BLNK: variants seen among roughly 807,000 people sequenced by gnomAD.
The protein encoded by BLNK is B cell linker, also known as B-cell linker protein.
Under a neutral mutation model 73.5 loss-of-function variants are expected in BLNK, and 29 were observed. The observed-to-expected ratio is 0.39, with a 90% CI of 0.29 to 0.54. The LOEUF is 0.54. BLNK is among the 20% of genes least tolerant of loss of function. BLNK has a pLI of 0.61. For synonymous variants in BLNK, 176 were observed against 200.8 expected (o/e 0.88, Z 1.04); for missense variants, 460 against 562.8 (o/e 0.82, Z 1.85).
intron 6 of BLNK, among the ~76,000 whole-genome samples, chr10:96,217,656 T>G (rs2084099650): frequency 6.6e-6 from 1 of 151,978 alleles, no homozygotes; most frequent in Admixed American, 6.5e-5. Flanking sequence ...TTGGGTTGTT[T>G]ATCTTTTTAT....
intron 8 of BLNK, among the ~76,000 whole-genome samples, chr10:96,214,140 G>A (rs1554899270): frequency 6.6e-6 from 1 of 150,792 alleles, no homozygotes; most frequent in Non-Finnish European, 1.5e-5. Flanking sequence ...GTGTATGAAT[G>A]TGTGTGTGTG....
At chr10:96,212,491 CT>C (rs1357600745) in intron 8 of BLNK, among the ~76,000 whole-genome samples, 2 of 152,204 alleles carry the variant, frequency 1.3e-5, no homozygotes, top group Non-Finnish European at 2.9e-5. Flanking sequence ...GATGACTTCA[CT>C]TGTTCAAAGT....
chr10:96,250,434 G>A (rs1843235267), intron 1 of BLNK, among the ~76,000 whole-genome samples: 1 of 127,180 alleles, frequency 7.9e-6, no homozygotes, highest in Admixed American at 8.8e-5. Context: ...GAGAGAGAGA[G>A]AGGAAGAGAG....
intron 2 of BLNK, among the ~76,000 whole-genome samples, chr10:96,244,000 A>G (rs977687675): frequency 6.6e-6 from 1 of 152,212 alleles, no homozygotes; most frequent in Non-Finnish European, 1.5e-5. Context: ...TTGAAAAAAA[A>G]AGCATAGAAA....
rs138899330 is a variant in BLNK at position 96,193,497 on chromosome 10, T to C, written c.1252-1405A>G. On this transcript the variant is annotated intron_variant, in intron 16 of 16. Coordinates refer to ENST00000224337, the MANE Select transcript of BLNK (RefSeq NM_013314.4). ...GTTGTGGTGTTCGGGGATTGAAGTG[T>C]GTGCAGTAGGGAGTTGAGCTGAGTT... 4.1e-3 allele frequency among the ~76,000 whole-genome samples: 622 copies of C among 152,328 alleles called. 4 individuals are homozygous for C. The highest frequency in any genetic ancestry group is 4.8e-3 in the Non-Finnish European group (325 of 68,024).
intron 2 of BLNK, among the ~76,000 whole-genome samples, chr10:96,246,350 C>G (rs1843044007): frequency 6.6e-6 from 1 of 152,128 alleles, no homozygotes; most frequent in African/African-American, 2.4e-5. Flanking sequence ...GTCAGGAGTT[C>G]AAGACCAGCC....
At chr10:96,232,661 T>C (rs781822205) in intron 3 of BLNK, among the ~76,000 whole-genome samples, 9 of 152,212 alleles carry the variant, frequency 5.9e-5, no homozygotes, top group Admixed American at 2.6e-4. Flanking sequence ...CAGAAAAGAA[T>C]TCTTACATTA....
chr10:96,200,110 T>G lies in BLNK; in HGVS notation c.1060A>C (p.Lys354Gln). The G allele has an allele frequency of 1.2e-6, 2 of 1,614,074 alleles. No homozygotes were observed. Among genetic ancestry groups the G allele is most frequent in the Non-Finnish European group, 1.7e-6 (2 of 1,179,990 alleles). Residue 354 changes from lysine to glutamine, a missense_variant, in exon 15 of 17, where the codon AAG becomes CAG. Coordinates refer to ENST00000224337, the MANE Select transcript of BLNK (RefSeq NM_013314.4). The surrounding 1 kb of genome is among the most constrained non-coding windows in gnomAD (Gnocchi z 4.3). ...CTGTGCAATGCCTCTTCAGCAGACT[T>G]TCGATCACAGGCTCCAGCATACCAT... The part of the protein sequence containing the change: ...KPWYAGACDR[K>Q]SAEEALHRSN...
rs2083294319 is a variant in BLNK, at chr10:96,189,346, G to A, written c.*2627C>T. 4 of 552,874 alleles carry A rather than the reference G, an allele frequency of 7.2e-6. No homozygotes were observed. Among genetic ancestry groups the A allele is most frequent in the South Asian group, 5.8e-5 (4 of 68,488 alleles). 34.2% of individuals were successfully genotyped at this position (552,874 alleles called of 1,614,324 possible). On this transcript the variant is annotated 3_prime_UTR_variant, in exon 17 of 17. Transcript: ENST00000224337. ...TAAGATGGAAAAATGTTAACAAATT[G>A]TTTAAACTATTTTCTAAAGAGACTT...
intron 8 of BLNK, among the ~76,000 whole-genome samples, chr10:96,211,981 C>T (rs7911407): frequency 0.47 from 70,847 of 152,022 alleles, 17,027 homozygotes; most frequent in Middle Eastern, 0.55. Flanking sequence ...GGTTTTCCCT[C>T]TTCTGAAATG....
intron 6 of BLNK, among the ~76,000 whole-genome samples, 183 bp downstream of exon 6, chr10:96,223,643 T>C (rs1430379333): frequency 6.6e-6 from 1 of 152,192 alleles, no homozygotes; most frequent in East Asian, 1.9e-4. Flanking sequence ...TCTAGTAAAC[T>C]GACATATTTA....
chr10:96,210,096 A>G (rs1038117889), intron 8 of BLNK, 189 bp from the exon 9 acceptor site: 1 of 668,206 alleles, frequency 1.5e-6, no homozygotes, highest in Admixed American at 2.1e-5. Context: ...ACACATTTTA[A>G]AAGTGTCAGT....
chr10:96,229,939 G>A (rs1317119865), intron 4 of BLNK, among the ~76,000 whole-genome samples: 7 of 152,104 alleles, frequency 4.6e-5, no homozygotes, highest in Non-Finnish European at 1.0e-4. Context: ...TGAGTCCTGG[G>A]TTCTCATTCC....
chr10:96,265,673 G>A (rs530730327), intron 1 of BLNK, among the ~76,000 whole-genome samples: 1 of 152,276 alleles, frequency 6.6e-6, no homozygotes, highest in South Asian at 2.1e-4. Flanking sequence ...CACAACAATG[G>A]CAAAGATATG....
chr10:96,244,985 G>T (rs782510167), intron 2 of BLNK, among the ~76,000 whole-genome samples: 37 of 152,056 alleles, frequency 2.4e-4, no homozygotes, highest in Middle Eastern at 3.2e-3. Flanking sequence ...AATTAGAATT[G>T]CTAGTGATTG....
intron 11 of BLNK, among the ~76,000 whole-genome samples, chr10:96,205,510 A>G (rs1554897232): frequency 6.6e-6 from 1 of 152,208 alleles, no homozygotes; most frequent in African/African-American, 2.4e-5. Flanking sequence ...GAACCTCTGA[A>G]GATTGTATTT....
intron 1 of BLNK, among the ~76,000 whole-genome samples, chr10:96,269,399 C>T (rs1436947083): frequency 1.3e-5 from 2 of 149,660 alleles, no homozygotes; most frequent in African/African-American, 5.0e-5. Flanking sequence ...TATAGTTCTA[C>T]ATTATGGAAT....
At chr10:96,212,092 A>G (rs587729818) in intron 8 of BLNK, among the ~76,000 whole-genome samples, 2 of 152,154 alleles carry the variant, frequency 1.3e-5, no homozygotes, top group African/African-American at 2.4e-5. Context: ...GTCTGCCAAA[A>G]CCTTCCTTTT....
intron 3 of BLNK, among the ~76,000 whole-genome samples, chr10:96,242,088 A>T (rs1842897850): frequency 6.6e-6 from 1 of 152,182 alleles, no homozygotes; most frequent in Admixed American, 6.5e-5. Context: ...CTTGCATTGT[A>T]GCTCCCATAA....
Sources: gnomAD v4.1 joint callset for allele counts (sites outside exome capture counted in the v4.1 genomes callset) on GRCh38, gnomAD v4.1.1 for gene constraint, Gnocchi (gnomAD v3.1) non-coding constraint, MANE v1.5 for transcripts, NCBI Gene and HGNC (gene_info 2026-07-23, HGNC 2026-07-21) for gene names.